PCDHGB5: variants seen among roughly 807,000 people sequenced by gnomAD.
PCDHGB5 encodes the protein protocadherin gamma subfamily B, 5, also known as protocadherin gamma-B5.
PCDHGB5 carries 48 observed loss-of-function variants against 62.9 expected under a neutral mutation model. That is an observed-to-expected ratio of 0.76 (90% CI 0.61 to 0.97). The LOEUF (loss-of-function observed/expected upper bound fraction) is 0.97. Among genes scored for constraint, PCDHGB5 ranks in the 50% least tolerant of loss-of-function variants. The pLI, the probability that PCDHGB5 is intolerant of heterozygous loss-of-function variation, is 0.00. For synonymous variants in PCDHGB5, 474 were observed against 511.2 expected (o/e 0.93, Z 0.98); for missense variants, 1,118 against 1,198.6 (o/e 0.93, Z 0.99).
chr5:141,439,673 C>G (rs1468476569), intron 1 of PCDHGB5, among the ~76,000 whole-genome samples: 1 of 152,174 alleles, frequency 6.6e-6, no homozygotes, highest in Non-Finnish European at 1.5e-5. Flanking sequence ...AATGCAAATC[C>G]AAGAGCAGAC....
At position 141,444,152 on chromosome 5, in the gene PCDHGB5, A is replaced by ATT. The variant is rs747671382; in HGVS notation, c.2397+43663_2397+43664dup. ...GATATGTGTCACTTGTGTGTACTGG[A>ATT]TTTTTTTTTTTTTTTTTTTTTTTTT... On this transcript the variant is annotated intron_variant, in intron 1 of 3. Coordinates refer to ENST00000617380, the MANE Select transcript of PCDHGB5 (RefSeq NM_018925.3). Among the ~76,000 whole-genome samples, 286 of 33,894 alleles carry ATT rather than the reference A, an allele frequency of 8.4e-3. 107 individuals carry two copies. The highest frequency in any genetic ancestry group is 0.011 in the African/African-American group (76 of 7,180). The allele number at this position is 33,894 out of a possible 152,430, so 22.2% of individuals were successfully genotyped here. A position where few individuals can be genotyped will look rare whatever the true frequency, so the allele number is the denominator to read the frequency against.
At chr5:141,437,878 C>A (rs1047761465) in intron 1 of PCDHGB5, among the ~76,000 whole-genome samples, 13 of 151,996 alleles carry the variant, frequency 8.6e-5, no homozygotes, top group Non-Finnish European at 1.5e-4. Flanking sequence ...GCTGGGACTA[C>A]AGGCACACGC....
At position 141,502,499 on chromosome 5, in the gene PCDHGB5, C is replaced by T. The variant is rs552402476; in HGVS notation, c.2457-2894C>T. ...CATCACACTGGGACTCATCTAACGT[C>T]GGCCTGTCCCACTATCAGTGATGCC... On this transcript the variant is annotated intron_variant, in intron 2 of 3. Coordinates refer to ENST00000617380, the MANE Select transcript of PCDHGB5 (RefSeq NM_018925.3). Among the ~76,000 whole-genome samples, 24 of 152,240 alleles carry T rather than the reference C, an allele frequency of 1.6e-4. No homozygotes were observed. In the East Asian group the frequency reaches 4.1e-3, roughly 26 times the overall value.
chr5:141,407,158 G>A (rs2094893881), intron 1 of PCDHGB5, among the ~76,000 whole-genome samples: 1 of 152,166 alleles, frequency 6.6e-6, no homozygotes, highest in African/African-American at 2.4e-5. Flanking sequence ...AAGTGTCTGG[G>A]AATCCTTTAT....
At position 141,489,302 on chromosome 5, in the gene PCDHGB5, T is replaced by C. The variant is rs1258736404; in HGVS notation, c.2398-5505T>C. 2 of 1,586,886 alleles carry C rather than the reference T, an allele frequency of 1.3e-6. No homozygotes were observed. The highest frequency in any genetic ancestry group is 2.3e-5 in the South Asian group (2 of 85,378). ...TGGCAAGTGCTGTGCATGTTGTCCT[T>C]GTGCTGCTGGGGCTGGGTGTCTGGG... On this transcript the variant is annotated intron_variant, in intron 1 of 3. Transcript: ENST00000617380. The surrounding 1 kb of genome is among the most constrained non-coding windows in gnomAD (Gnocchi z 4.5).
intron 2 of PCDHGB5, among the ~76,000 whole-genome samples, chr5:141,500,838 GGCTTTT>G (rs2099802886): frequency 6.6e-6 from 1 of 151,878 alleles, no homozygotes. Flanking sequence ...AATGCTAATG[GGCTTTT>G]GCTACATTAG....
chr5:141,491,233 G>T lies in PCDHGB5; in HGVS notation c.2398-3574G>T. 1 of 1,614,224 alleles carries T rather than the reference G, an allele frequency of 6.2e-7. No homozygotes were observed. The highest frequency in any genetic ancestry group is 2.2e-5 in the East Asian group (1 of 44,890). On this transcript the variant is annotated intron_variant, in intron 1 of 3. Transcript: ENST00000617380. The surrounding 1 kb of genome is among the most constrained non-coding windows in gnomAD (Gnocchi z 6.9). ...CTCCTCCACAGCCACAGTGCTGCTG[G>T]TTCTGGAGGATGAGGACCCTGAGGA...
At chr5:141,456,702 C>T (rs1185842343) in intron 1 of PCDHGB5, among the ~76,000 whole-genome samples, 1 of 152,062 alleles carries the variant, frequency 6.6e-6, no homozygotes, top group Non-Finnish European at 1.5e-5. Flanking sequence ...TGGTGGCTCG[C>T]GCCTGTAATC....
In PCDHGB5 at chr5:141,432,867, T is replaced by C; in HGVS notation, c.2397+32343T>C. ...GTAGCGGTGGCCGCGGTCTCCTGCG[T>C]CTTCCTGGCCTTCGTCATCTTGCTG... On this transcript the variant is annotated intron_variant, in intron 1 of 3. Coordinates refer to ENST00000617380, the MANE Select transcript of PCDHGB5 (RefSeq NM_018925.3). The surrounding 1 kb of genome is among the most constrained non-coding windows in gnomAD (Gnocchi z 6.0). 2 of 1,614,182 alleles carry C rather than the reference T, an allele frequency of 1.2e-6. No individual in the cohort carries two copies. The highest frequency in any genetic ancestry group is 1.7e-6 in the Non-Finnish European group (2 of 1,180,010).
intron 1 of PCDHGB5, chr5:141,423,117 G>A (rs1429958385): frequency 6.2e-7 from 1 of 1,613,698 alleles, no homozygotes; most frequent in Non-Finnish European, 8.5e-7. Flanking sequence ...TGCGTACAGC[G>A]CGGGCACTGC....
intron 1 of PCDHGB5, chr5:141,427,068 G>A (rs1407368715): frequency 2.2e-6 from 1 of 457,950 alleles, no homozygotes; most frequent in East Asian, 6.9e-5. Flanking sequence ...TGTACTAAAG[G>A]TGACAGCCAC....
chr5:141,410,184 A>AT, intron 1 of PCDHGB5: 1 of 1,613,918 alleles, frequency 6.2e-7, no homozygotes, highest in Non-Finnish European at 8.5e-7. Context: ...GCCACGCTTC[A>AT]TCTGGTCTTC....
In PCDHGB5 at chr5:141,477,815, G is replaced by C; in HGVS notation, c.2398-16992G>C. On this transcript the variant is annotated intron_variant, in intron 1 of 3. Coordinates refer to ENST00000617380, the MANE Select transcript of PCDHGB5 (RefSeq NM_018925.3). The surrounding 1 kb of genome is among the most constrained non-coding windows in gnomAD (Gnocchi z 4.9). ...TGATCGCAATGACAATGCCCCCCAG[G>C]TCCTATATCCTCGGCCAGGTGGGAG... 1 of 1,614,106 alleles carries C rather than the reference G, an allele frequency of 6.2e-7. No homozygotes were observed. Among genetic ancestry groups the C allele is most frequent in the Non-Finnish European group, 8.5e-7 (1 of 1,180,034 alleles).
At chr5:141,509,153 C>G (rs2099875485) in intron 3 of PCDHGB5, among the ~76,000 whole-genome samples, 2 of 152,190 alleles carry the variant, frequency 1.3e-5, no homozygotes, top group Non-Finnish European at 2.9e-5. Context: ...CGGCTCTCCC[C>G]TCCCGTGTGC....
intron 1 of PCDHGB5, chr5:141,484,911 T>G (rs2154580253): frequency 9.3e-6 from 4 of 432,018 alleles, no homozygotes; most frequent in South Asian, 3.3e-5. Context: ...CTGCGACGCA[T>G]TAACCCTGCT....
At chr5:141,402,753 A>G (rs914241458) in intron 1 of PCDHGB5, among the ~76,000 whole-genome samples, 8 of 152,326 alleles carry the variant, frequency 5.3e-5, no homozygotes, top group Admixed American at 5.2e-4. Context: ...CTCTAAGCGA[A>G]AATCAGGACT....
intron 1 of PCDHGB5, among the ~76,000 whole-genome samples, chr5:141,424,973 G>A (rs2096851520): frequency 6.6e-6 from 1 of 152,108 alleles, no homozygotes; most frequent in African/African-American, 2.4e-5. Flanking sequence ...AAATTACTTG[G>A]ATATTTATGT....
intron 1 of PCDHGB5, chr5:141,426,986 C>T (rs764345099): frequency 1.8e-5 from 8 of 456,618 alleles, no homozygotes; most frequent in South Asian, 7.7e-5. Flanking sequence ...CTGATGCCAA[C>T]GATAATGCCC....
chr5:141,472,980 C>CAAAAAAAAAAAAAAAAAGAAAAAAAAA (rs2099309731), intron 1 of PCDHGB5, among the ~76,000 whole-genome samples: 1 of 86,106 alleles, frequency 1.2e-5, no homozygotes, highest in Non-Finnish European at 2.5e-5. Flanking sequence ...GAGTGAAACT[C>CAAAAAAAAAAAAAAAAAGAAAAAAAAA]AAAAAAAAAA....
Sources: allele counts gnomAD v4.1 joint callset (sites outside exome capture counted in the v4.1 genomes callset), GRCh38; gene constraint gnomAD v4.1.1; non-coding constraint Gnocchi (gnomAD v3.1); transcripts MANE v1.5; gene names NCBI Gene and HGNC (gene_info 2026-07-23, HGNC 2026-07-21).